The following DRC1 variants were observed in gnomAD, a reference collection of about 807,000 sequenced individuals.
DRC1 encodes dynein regulatory complex protein 1.
In DRC1, 74 loss-of-function variants were observed where a neutral mutation model predicts 98.7. That is an observed-to-expected ratio of 0.75 (90% CI 0.62 to 0.91). The LOEUF is 0.91. Among genes scored for constraint, DRC1 ranks in the 40% least tolerant of loss-of-function variants. DRC1 has a pLI of 0.00. For synonymous variants in DRC1, 336 were observed against 334.1 expected (o/e 1.01, Z -0.06); for missense variants, 875 against 886.0 (o/e 0.99, Z 0.16).
intron 4 of DRC1, among the ~76,000 whole-genome samples, chr2:26,425,785 G>C (rs184391489): frequency 9.4e-4 from 143 of 152,102 alleles, no homozygotes; most frequent in Non-Finnish European, 3.5e-4. Context: ...AGTTATAGAA[G>C]TTCTTTATGT....
chr2:26,440,356 T>A (rs1336116672), intron 7 of DRC1, 22 bp from the exon 8 acceptor site: 1 of 1,588,530 alleles, frequency 6.3e-7, no homozygotes, highest in Admixed American at 1.8e-5. Flanking sequence ...TATATATATA[T>A]ATATAGTTTT....
intron 3 of DRC1, 99 bp from the exon 4 acceptor site, chr2:26,424,172 C>T: frequency 6.9e-7 from 1 of 1,438,984 alleles, no homozygotes; most frequent in Admixed American, 1.9e-5. Flanking sequence ...TGCCTAGTAC[C>T]TGGGTCTTAT....
chr2:26,403,449 C>T (rs1678317334), intron 1 of DRC1, among the ~76,000 whole-genome samples: 1 of 152,104 alleles, frequency 6.6e-6, no homozygotes, highest in Admixed American at 6.5e-5. Context: ...CTTTTTTTAA[C>T]CATTTATTTA....
In DRC1 at chr2:26,415,066, A is replaced by G. The variant is rs1308459924; in HGVS notation, c.243+635A>G. On this transcript the variant is annotated intron_variant, in intron 2 of 16. Coordinates refer to ENST00000288710, the MANE Select transcript of DRC1 (RefSeq NM_145038.5). ...TGACTTTTCAGATGTGTGTGCCTGC[A>G]GTGCCCCAGTGAAACTGTATGTACT... Among the ~76,000 whole-genome samples the G allele has an allele frequency of 2.6e-5, 4 of 152,184 alleles. No homozygotes were observed. In the East Asian group the frequency reaches 7.7e-4, roughly 29 times the overall value.
At chr2:26,446,297 C>T (rs1223160986) in intron 10 of DRC1, among the ~76,000 whole-genome samples, 1 of 151,890 alleles carries the variant, frequency 6.6e-6, no homozygotes, top group Non-Finnish European at 1.5e-5. Flanking sequence ...ATGGATTTGC[C>T]ATGTTGCCCA....
chr2:26,444,961 C>T lies in DRC1; in HGVS notation c.1396+13C>T, dbSNP rs752528126. 2 of 1,612,972 alleles carry T rather than the reference C, an allele frequency of 1.2e-6. No homozygotes were observed. Among genetic ancestry groups the T allele is most frequent in the Middle Eastern group, 1.7e-4 (1 of 6,056 alleles). On this transcript the variant is annotated intron_variant, in intron 10 of 16. Coordinates refer to ENST00000288710, the MANE Select transcript of DRC1 (RefSeq NM_145038.5). Reference sequence around the variant, plus strand: ...CTTATGCGCTCAGGTGACTAGAACACTGTCATAGAGCCTTAGAGCTGGAGG... The same window carrying T: ...CTTATGCGCTCAGGTGACTAGAACATTGTCATAGAGCCTTAGAGCTGGAGG...
chr2:26,417,117 C>T (rs1409117443), intron 2 of DRC1, among the ~76,000 whole-genome samples: 1 of 152,022 alleles, frequency 6.6e-6, no homozygotes, highest in East Asian at 1.9e-4. Flanking sequence ...CAATCATTTC[C>T]CACCAGGCTC....
At chr2:26,425,062 C>T (rs1036679640) in intron 4 of DRC1, among the ~76,000 whole-genome samples, 1 of 152,144 alleles carries the variant, frequency 6.6e-6, no homozygotes, top group African/African-American at 2.4e-5. Context: ...AAATTCTATG[C>T]CCCTTAGACA....
intron 7 of DRC1, among the ~76,000 whole-genome samples, chr2:26,437,296 T>G (rs746702744): frequency 1.3e-5 from 2 of 152,340 alleles, no homozygotes; most frequent in African/African-American, 2.4e-5. Context: ...GAGGCTGTGC[T>G]GTTGTTGGCA....
At chr2:26,413,874 C>G (rs918551692) in intron 1 of DRC1, among the ~76,000 whole-genome samples, 6 of 151,836 alleles carry the variant, frequency 4.0e-5, no homozygotes, top group African/African-American at 1.2e-4. Context: ...TATAGATATT[C>G]TCCTGTATTT....
intron 13 of DRC1, among the ~76,000 whole-genome samples, chr2:26,452,711 A>G (rs1417988197): frequency 6.6e-6 from 1 of 152,236 alleles, no homozygotes; most frequent in Non-Finnish European, 1.5e-5. Flanking sequence ...AAACTGTGGG[A>G]AAAAACCAAA....
In DRC1 at chr2:26,453,486, T is replaced by A. The variant is rs1392056100; in HGVS notation, c.1856T>A (p.Val619Asp). ...EEEETPPSPW[V>D]IHPNDVLKIL... The stretch of plus-strand genomic sequence containing the variant: ...GAGGAGACCCCACCCTCCCCCTGGG[T>A]CATCCACCCCAATGATGTCCTCAAG... The change falls in exon 14 of 17, where the codon GTC (valine) becomes GAC (aspartate). Residue 619 changes from valine (V) to aspartate (D), a missense_variant. Val to Asp is a radical substitution (Grantham distance 152, BLOSUM62 -3). Coordinates refer to ENST00000288710, the MANE Select transcript of DRC1 (RefSeq NM_145038.5). 1 of 1,613,946 alleles carries A rather than the reference T, an allele frequency of 6.2e-7. No homozygotes were observed. Among genetic ancestry groups the A allele is most frequent in the Admixed American group, 1.7e-5 (1 of 59,986 alleles).
chr2:26,431,829 T>C (rs1663443688), intron 6 of DRC1, 55 bp from the exon 7 acceptor site: 2 of 1,602,834 alleles, frequency 1.2e-6, no homozygotes, highest in Non-Finnish European at 8.5e-7. Context: ...ATCCGAAGGA[T>C]TGAGGTGGGG....
intron 2 of DRC1, 65 bp from the exon 3 acceptor site, chr2:26,421,223 T>G: frequency 6.7e-7 from 1 of 1,483,474 alleles, no homozygotes; most frequent in Non-Finnish European, 9.2e-7. Flanking sequence ...GCAAAAATGT[T>G]TCAGACTTTA....
At chr2:26,445,085 A>C in intron 10 of DRC1, 137 bp downstream of exon 10, 1 of 949,552 alleles carries the variant, frequency 1.1e-6, no homozygotes, top group South Asian at 1.8e-5. Context: ...AGTCTCCTCT[A>C]ATTTATAGCT....
chr2:26,429,571 T>C, intron 4 of DRC1, 57 bp from the exon 5 acceptor site: 30 of 1,595,230 alleles, frequency 1.9e-5, no homozygotes, highest in Non-Finnish European at 2.6e-5. Context: ...AGAGAGTGTT[T>C]GGCACCTTCT....
intron 6 of DRC1, among the ~76,000 whole-genome samples, chr2:26,431,356 T>C (rs1663433590): frequency 6.6e-6 from 1 of 152,200 alleles, no homozygotes; most frequent in Non-Finnish European, 1.5e-5. Flanking sequence ...GGATTGTCTC[T>C]TGGGTGGTGG....
chr2:26,420,223 T>C (rs960542896), intron 2 of DRC1, among the ~76,000 whole-genome samples: 4 of 152,108 alleles, frequency 2.6e-5, no homozygotes, highest in African/African-American at 9.7e-5. Context: ...CACACATTAC[T>C]TCTCCTGTGT....
chr2:26,445,646 G>GTAGT (rs1324207901), intron 10 of DRC1, among the ~76,000 whole-genome samples: 1 of 151,058 alleles, frequency 6.6e-6, no homozygotes, highest in East Asian at 1.9e-4. Context: ...TTCAGCCCTA[G>GTAGT]TAGTTATTTA....
Sources: gnomAD v4.1 joint callset for allele counts (sites outside exome capture counted in the v4.1 genomes callset) on GRCh38, gnomAD v4.1.1 for gene constraint, MANE v1.5 for transcripts, NCBI Gene and HGNC (gene_info 2026-07-23, HGNC 2026-07-21) for gene names.